Variants in RFX7 observed in about 807,000 individuals in gnomAD.
RFX7 encodes the protein regulatory factor X7.
In RFX7, 26 loss-of-function variants were observed where a neutral mutation model predicts 111.8. The ratio of observed to expected loss-of-function variants is 0.23; its 90% confidence interval spans 0.17 to 0.32. The LOEUF (loss-of-function observed/expected upper bound fraction) is 0.32. RFX7 is among the 10% of genes least tolerant of loss of function. The pLI, the probability that RFX7 is intolerant of heterozygous loss-of-function variation, is 1.00. For missense variants in RFX7, 1,573 were observed against 1,772.9 expected (o/e 0.89, Z 2.02); for synonymous variants, 624 against 624.4 (o/e 1.00, Z 0.01).
chr15:56,157,406 C>G (rs10162834), intron 3 of RFX7, among the ~76,000 whole-genome samples: 48,385 of 152,026 alleles, frequency 0.32, 8,851 homozygotes, highest in Middle Eastern at 0.46. Context: ...AAGTAGGGAC[C>G]TAACTAAAAA....
At chr15:56,137,228 G>C (rs1332121557) in intron 5 of RFX7, among the ~76,000 whole-genome samples, 5 of 152,070 alleles carry the variant, frequency 3.3e-5, no homozygotes, top group Non-Finnish European at 5.9e-5. Flanking sequence ...GAATTCGGCT[G>C]TGCATCCATC....
In RFX7 at chr15:56,092,506, C is replaced by T. The variant is rs2041608906; in HGVS notation, c.*839G>A. On this transcript the variant is annotated 3_prime_UTR_variant, in exon 10 of 10. Coordinates refer to ENST00000559447, the MANE Select transcript of RFX7 (RefSeq NM_022841.7). ...CTAAGAGAATGCTTTTGTTTTCCTT[C>T]TCATTCCCCTAACTTAACAAATAAT... The T allele has an allele frequency of 6.6e-6, 1 of 152,132 alleles. No homozygotes were observed. Among genetic ancestry groups the T allele is most frequent in the African/African-American group, 2.4e-5 (1 of 41,432 alleles). The allele number at this position is 152,132 out of a possible 1,614,324, so 9.4% of individuals were successfully genotyped here. A position where few individuals can be genotyped will look rare whatever the true frequency, so the allele number is the denominator to read the frequency against.
chr15:56,201,932 G>A (rs1204429183), intron 2 of RFX7, among the ~76,000 whole-genome samples: 1 of 152,162 alleles, frequency 6.6e-6, no homozygotes, highest in African/African-American at 2.4e-5. Context: ...TTGGGAGGCT[G>A]AGGCAGGAGA....
intron 2 of RFX7, chr15:56,192,921 G>T (rs184470587): frequency 1.1e-5 from 2 of 186,732 alleles, no homozygotes; most frequent in East Asian, 2.5e-4. Flanking sequence ...TTCACCTTTA[G>T]ATTTTCTACA....
intron 5 of RFX7, among the ~76,000 whole-genome samples, chr15:56,132,251 G>C (rs1463853841): frequency 6.6e-6 from 1 of 151,858 alleles, no homozygotes; most frequent in Non-Finnish European, 1.5e-5. Flanking sequence ...AAAATTAACT[G>C]GTCAGAAAAT....
rs912840812 is a variant in RFX7 at position 56,179,303 on chromosome 15, G to A, written c.162C>T (p.Cys54=). Residue 54 remains cysteine (C), a splice_region_variant and synonymous_variant, in exon 3 of 10, where the codon TGC becomes TGT. Transcript: ENST00000559447. ...ALQHKIKNSI[C]KTVQSKVDCI... ...AGTCCACTTTAGATTGTACAGTTTT[G>A]CTAAAAGAAAGAGAAAGTTAGGTTA... 12 of 1,279,184 alleles carry A rather than the reference G, an allele frequency of 9.4e-6. No homozygotes were observed. The highest frequency in any genetic ancestry group is 1.2e-5 in the Non-Finnish European group (12 of 966,790). 79.2% of individuals were successfully genotyped at this position (1,279,184 alleles called of 1,614,324 possible).
chr15:56,145,318 C>T (rs1305222482), intron 3 of RFX7, among the ~76,000 whole-genome samples: 5 of 152,138 alleles, frequency 3.3e-5, no homozygotes, highest in Admixed American at 1.3e-4. Flanking sequence ...GGACAGATTA[C>T]TGGCATTCCT....
chr15:56,239,125 C>A (rs1379437951), intron 2 of RFX7, among the ~76,000 whole-genome samples: 2 of 152,154 alleles, frequency 1.3e-5, no homozygotes, highest in African/African-American at 2.4e-5. Context: ...TGAGCCACTG[C>A]GCCTAGTGTG....
At chr15:56,207,008 G>T (rs2043260590) in intron 2 of RFX7, among the ~76,000 whole-genome samples, 1 of 151,998 alleles carries the variant, frequency 6.6e-6, no homozygotes, top group Non-Finnish European at 1.5e-5. Flanking sequence ...AGTATGACTG[G>T]GCTGTATGTA....
intron 2 of RFX7, among the ~76,000 whole-genome samples, chr15:56,192,102 A>AT (rs375856101): frequency 2.4e-4 from 36 of 152,328 alleles, no homozygotes; most frequent in Middle Eastern, 3.4e-3. Flanking sequence ...CACCAACAGT[A>AT]TAACGCTTTT....
chr15:56,108,823 TAA>T (rs879570984), intron 5 of RFX7, among the ~76,000 whole-genome samples: 2 of 152,186 alleles, frequency 1.3e-5, no homozygotes, highest in Non-Finnish European at 2.9e-5. Flanking sequence ...AAAAACTCTT[TAA>T]ACTGATAAGC....
In RFX7 at chr15:56,243,265, CTGT is replaced by C. The variant is rs745357984; in HGVS notation, c.18_20del (p.Gln7del). On this transcript the variant is annotated inframe_deletion, in exon 2 of 10. Coordinates refer to ENST00000559447, the MANE Select transcript of RFX7 (RefSeq NM_022841.7). ...GGGCATCAGGCTGCTGTGGTGGCGG[CTGT>C]TGTTGTTCCTCTGCCATCGCTGCAG... 100 of 1,185,036 alleles carry C rather than the reference CTGT, an allele frequency of 8.4e-5. No individual in the cohort carries two copies. The highest frequency in any genetic ancestry group is 1.0e-4 in the Non-Finnish European group (92 of 906,304). 73.4% of individuals were successfully genotyped at this position (1,185,036 alleles called of 1,614,324 possible). A position where few individuals can be genotyped will look rare whatever the true frequency, so the allele number is the denominator to read the frequency against.
chr15:56,140,911 T>C lies in RFX7; in HGVS notation c.401+1867A>G, dbSNP rs1173108179. Among the ~76,000 whole-genome samples the C allele has an allele frequency of 3.3e-5, 5 of 152,300 alleles. No homozygotes were observed. The East Asian group carries it at 7.7e-4, about 23-fold the overall frequency. On this transcript the variant is annotated intron_variant, in intron 5 of 9. Coordinates refer to ENST00000559447, the MANE Select transcript of RFX7 (RefSeq NM_022841.7). ...GACTGCTTTCATGGGCCAGGATCAC[T>C]CTTCCGCAAATGCAGCATGCTCTCT...
chr15:56,103,237 G>A (rs1323446170), intron 6 of RFX7, among the ~76,000 whole-genome samples: 1 of 127,312 alleles, frequency 7.9e-6, no homozygotes, highest in African/African-American at 2.9e-5. Context: ...TCTTATAATT[G>A]TTAAACATAT....
chr15:56,093,353 A>C lies in RFX7; in HGVS notation c.4375T>G (p.Leu1459Val). The C allele has an allele frequency of 1.9e-6, 3 of 1,605,718 alleles. No homozygotes were observed. Among genetic ancestry groups the C allele is most frequent in the Non-Finnish European group, 2.6e-6 (3 of 1,175,760 alleles). ...ESKDHPTVEMLG is the reference protein window; with the variant it reads ...ESKDHPTVEMVG ...ATGTTATAAAACACAATTTAACCCA[A>C]CATTTCAACAGTAGGATGGTCCTTG... The change falls in exon 10 of 10, where the codon TTG becomes GTG. Residue 1459 changes from leucine (L) to valine (V), a missense_variant. Leu to Val is a conservative substitution (Grantham distance 32). Around this residue, in one of 7 missense-constraint regions of RFX7, gnomAD observed 411 missense variants for 478.1 expected, o/e 0.86. Coordinates refer to ENST00000559447, the MANE Select transcript of RFX7 (RefSeq NM_022841.7).
intron 3 of RFX7, among the ~76,000 whole-genome samples, chr15:56,154,025 C>A (rs894695798): frequency 6.6e-6 from 1 of 152,056 alleles, no homozygotes; most frequent in African/African-American, 2.4e-5. Flanking sequence ...GAGTGAACTC[C>A]CATTCATAAT....
intron 3 of RFX7, among the ~76,000 whole-genome samples, chr15:56,145,023 A>T (rs942434605): frequency 6.6e-6 from 1 of 152,190 alleles, no homozygotes; most frequent in Admixed American, 6.5e-5. Flanking sequence ...CTGAAATAAA[A>T]CCAGTAACTC....
rs775728974 is a variant in RFX7 at position 56,144,409 on chromosome 15, T to A, written c.270A>T (p.Gly90=). 1.5e-6 allele frequency: 2 copies of A among 1,359,262 alleles called. No homozygotes were observed. The highest frequency in any genetic ancestry group is 2.3e-5 in the South Asian group (2 of 87,650). 84.2% of individuals were successfully genotyped at this position (1,359,262 alleles called of 1,614,324 possible). ...GACAAGAATAGATATACCTTTTCTC[T>A]CCATTGCTGAGACCAGAAGGCAGCT... ...YLQLPSGLSN[G]EKSDQNAMSS... The change falls in exon 4 of 10, where the codon GGA becomes GGT. Residue 90 remains glycine (G), a synonymous_variant. Transcript: ENST00000559447.
intron 2 of RFX7, among the ~76,000 whole-genome samples, chr15:56,199,856 GTTC>G (rs1170994526): frequency 2.6e-5 from 4 of 151,972 alleles, no homozygotes; most frequent in African/African-American, 9.7e-5. Context: ...CATGTAATAG[GTTC>G]TTAATAAATG....
Sources: gnomAD v4.1 joint callset for allele counts (sites outside exome capture counted in the v4.1 genomes callset) on GRCh38, gnomAD v4.1.1 for gene constraint, gnomAD v4.1.1 regional missense constraint, MANE v1.5 for transcripts, NCBI Gene and HGNC (gene_info 2026-07-23, HGNC 2026-07-21) for gene names.